Variants in GBF1 observed in about 807,000 individuals in gnomAD.
GBF1 encodes the protein golgi brefeldin A resistant guanine nucleotide exchange factor 1.
GBF1 carries 114 observed loss-of-function variants against 210.5 expected under a neutral mutation model. The ratio of observed to expected loss-of-function variants is 0.54; its 90% CI spans 0.47 to 0.63. The LOEUF (loss-of-function observed/expected upper bound fraction) is 0.63, where lower values mean the gene tolerates loss of function less well. GBF1 is among the 30% of genes least tolerant of loss of function. The pLI is 0.00. For synonymous variants in GBF1, 850 were observed against 889.2 expected (o/e 0.96, Z 0.78); for missense variants, 1,851 against 2,357.7 (o/e 0.79, Z 4.45).
At chr10:102,274,384 A>C (rs892592504) in intron 3 of GBF1, among the ~76,000 whole-genome samples, 3 of 151,838 alleles carry the variant, frequency 2.0e-5, no homozygotes, top group African/African-American at 7.3e-5. Flanking sequence ...AATTCTGTGC[A>C]TGGCAGCTTC....
intron 3 of GBF1, among the ~76,000 whole-genome samples, chr10:102,340,326 G>T (rs2134496026): frequency 7.0e-6 from 1 of 142,024 alleles, no homozygotes; most frequent in South Asian, 2.2e-4. Context: ...AGGCTGGAGT[G>T]CAGTGGCACG....
chr10:102,283,091 C>T (rs1044936826), intron 3 of GBF1, among the ~76,000 whole-genome samples: 1 of 152,076 alleles, frequency 6.6e-6, no homozygotes, highest in East Asian at 1.9e-4. Flanking sequence ...TCATCTTGCC[C>T]AGAGAAGTAG....
chr10:102,343,964 T>C, intron 3 of GBF1, 87 bp from the exon 4 acceptor site: 2 of 1,051,808 alleles, frequency 1.9e-6, no homozygotes, highest in Non-Finnish European at 2.9e-6. Flanking sequence ...CAAAGACCTC[T>C]AGCCTCATGG....
chr10:102,356,741 TG>T (rs1212455653), intron 8 of GBF1, among the ~76,000 whole-genome samples: 3 of 130,574 alleles, frequency 2.3e-5, no homozygotes, highest in African/African-American at 9.1e-5. Flanking sequence ...CACTCCAGCC[TG>T]GGTGGCACAG....
intron 3 of GBF1, among the ~76,000 whole-genome samples, chr10:102,266,721 C>G (rs1246772237): frequency 2.0e-5 from 3 of 152,204 alleles, no homozygotes; most frequent in Non-Finnish European, 4.4e-5. Flanking sequence ...GCTGTTATGG[C>G]CAGAGTTTAG....
At chr10:102,380,754 TC>T in intron 38 of GBF1, 68 bp downstream of exon 38, 2 of 1,329,056 alleles carry the variant, frequency 1.5e-6, no homozygotes, top group Non-Finnish European at 2.1e-6. Context: ...ACACCTCTAA[TC>T]CCAGCACTTT....
At chr10:102,276,809 A>G (rs995105137) in intron 3 of GBF1, among the ~76,000 whole-genome samples, 3 of 152,230 alleles carry the variant, frequency 2.0e-5, no homozygotes, top group Non-Finnish European at 4.4e-5. Context: ...ACTGCTATTT[A>G]GAATGTGAAT....
chr10:102,283,905 G>T (rs2075726181), intron 3 of GBF1, among the ~76,000 whole-genome samples: 1 of 152,198 alleles, frequency 6.6e-6, no homozygotes, highest in African/African-American at 2.4e-5. Context: ...AGTCTCAATA[G>T]ATGTTAAGTC....
chr10:102,363,790 A>C lies in GBF1; in HGVS notation c.2098A>C (p.Lys700Gln). 1 of 1,599,138 alleles carries C rather than the reference A, an allele frequency of 6.3e-7. No individual in the cohort carries two copies. Among genetic ancestry groups the C allele is most frequent in the African/African-American group, 1.3e-5 (1 of 74,736 alleles). ...DPRELIEIKN[K>Q]KKLLITGTEQ... is the part of the protein sequence containing the mutation. ...ACGGGAACTAATTGAAATTAAAAAC[A>C]AAAAGAAGGTACATACATGTATTCC... Residue 700 changes from lysine to glutamine, a missense_variant, in exon 17 of 40, where the codon AAA (lysine) becomes CAA (glutamine). Lys to Gln is a moderately conservative substitution (Grantham distance 53). This residue lies in a region of GBF1 where 804 missense variants were observed against 958.6 expected (regional missense o/e 0.84). Transcript: ENST00000369983. This position sits in a 1 kb window ranked among gnomAD's most constrained non-coding sequence, Gnocchi z 4.2.
At chr10:102,318,916 T>C (rs1020861675) in intron 3 of GBF1, among the ~76,000 whole-genome samples, 4 of 152,222 alleles carry the variant, frequency 2.6e-5, no homozygotes, top group African/African-American at 9.6e-5. Flanking sequence ...CCAGTACTCA[T>C]TCTTTACCTT....
chr10:102,328,624 G>A (rs1046522110), intron 3 of GBF1, among the ~76,000 whole-genome samples: 12 of 152,218 alleles, frequency 7.9e-5, no homozygotes, highest in Admixed American at 2.6e-4. Flanking sequence ...GAGTGAATAA[G>A]TAAGGTCCTA....
rs2058924188 is a variant in GBF1, at chr10:102,350,935, AAAT to A, written c.296-320_296-318del. 8.5e-5 allele frequency among the ~76,000 whole-genome samples: 13 copies of A among 152,110 alleles called. No individual in the cohort carries two copies. In the South Asian group the frequency reaches 2.7e-3, roughly 32 times the overall value. On this transcript the variant is annotated intron_variant, in intron 4 of 39. Transcript: ENST00000369983. ...CCCATCTCTACTAAAAGTACAAAAAAAATTAGCTGGGCATGGTGGTGGGCGCCT... is the reference window on the plus strand; with the variant it reads ...CCCATCTCTACTAAAAGTACAAAAAATAGCTGGGCATGGTGGTGGGCGCCT...
Position 102,379,510 on chromosome 10 carries a change from C to T in GBF1, c.4646-11C>T. On this transcript the variant is annotated splice_polypyrimidine_tract_variant and intron_variant, in intron 34 of 39. Transcript: ENST00000369983. Reference sequence around the variant, plus strand: ...ATGCCTGAAGGATCCTGACCCTGCTCTTGCTCTCAGGTATTGCCTGCCTGT... The same window carrying T: ...ATGCCTGAAGGATCCTGACCCTGCTTTTGCTCTCAGGTATTGCCTGCCTGT... 1 of 1,614,122 alleles carries T rather than the reference C, an allele frequency of 6.2e-7. No homozygotes were observed. The highest frequency in any genetic ancestry group is 8.5e-7 in the Non-Finnish European group (1 of 1,180,014).
At chr10:102,235,228 G>T in the GBF1 span, among the ~76,000 whole-genome samples, 3 of 109,618 alleles carry the variant, frequency 2.7e-5, no homozygotes, top group Non-Finnish European at 5.3e-5. Flanking sequence ...CTCAGTCCCA[G>T]GAGCTAAGGA....
At chr10:102,266,672 C>CTTAAGCA (rs1406455186) in intron 3 of GBF1, among the ~76,000 whole-genome samples, 2 of 152,204 alleles carry the variant, frequency 1.3e-5, no homozygotes, top group African/African-American at 2.4e-5. Context: ...TAAGTAAAAA[C>CTTAAGCA]AATAGCTCAT....
chr10:102,363,924 G>A lies in GBF1; in HGVS notation c.2106+126G>A. On this transcript the variant is annotated intron_variant, in intron 17 of 39. Transcript: ENST00000369983. This position sits in a 1 kb window ranked among gnomAD's most constrained non-coding sequence, Gnocchi z 4.2. Reference sequence around the variant, plus strand: ...GTACAGCTTCCTGAGGCCAGTCTTTGGGCTTGTTGGGACTTCAGCAACTCC... The same window carrying A: ...GTACAGCTTCCTGAGGCCAGTCTTTAGGCTTGTTGGGACTTCAGCAACTCC... The A allele has an allele frequency of 1.6e-6, 1 of 620,582 alleles. No homozygotes were observed. Among genetic ancestry groups the A allele is most frequent in the South Asian group, 1.9e-5 (1 of 52,102 alleles). 38.4% of individuals were successfully genotyped at this position (620,582 alleles called of 1,614,324 possible). A position where few individuals can be genotyped will look rare whatever the true frequency, so the allele number is the denominator to read the frequency against.
At chr10:102,345,257 G>A (rs1278373218) in intron 4 of GBF1, among the ~76,000 whole-genome samples, 1 of 142,270 alleles carries the variant, frequency 7.0e-6, no homozygotes, top group African/African-American at 2.6e-5. Flanking sequence ...ACTCTAACCT[G>A]AGCAACAGAG....
At chr10:102,301,529 G>A (rs2077349135) in intron 3 of GBF1, among the ~76,000 whole-genome samples, 1 of 152,070 alleles carries the variant, frequency 6.6e-6, no homozygotes, top group Admixed American at 6.5e-5. Flanking sequence ...CCGGGCGGAG[G>A]GGCTCCTCAC....
At chr10:102,379,759 C>T in intron 35 of GBF1, 94 bp from the exon 36 acceptor site, 12 of 1,478,216 alleles carry the variant, frequency 8.1e-6, no homozygotes, top group Non-Finnish European at 1.1e-5. Context: ...CATACCTTCC[C>T]TTCAGCTCTA....
Sources: gnomAD v4.1 joint callset for allele counts (sites outside exome capture counted in the v4.1 genomes callset) on GRCh38, gnomAD v4.1.1 for gene constraint, gnomAD v4.1.1 regional missense constraint, Gnocchi (gnomAD v3.1) non-coding constraint, MANE v1.5 for transcripts, NCBI Gene and HGNC (gene_info 2026-07-23, HGNC 2026-07-21) for gene names.